MBP: variants seen among roughly 807,000 people sequenced by gnomAD.
MBP encodes the protein myelin basic protein.
MBP carries 16 observed loss-of-function variants against 35.8 expected under a neutral mutation model. The observed-to-expected ratio is 0.45, with a 90% CI of 0.30 to 0.68. The LOEUF (loss-of-function observed/expected upper bound fraction) is 0.68. Among genes scored for constraint, MBP ranks in the 30% least tolerant of loss-of-function variants. The pLI, the probability that MBP is intolerant of heterozygous loss-of-function variation, is 0.08. For missense variants in MBP, 380 were observed against 404.7 expected, an observed-to-expected ratio of 0.94 and a Z score of 0.52; for synonymous variants, 143 against 159.6, an observed-to-expected ratio of 0.90 and a Z score of 0.78.
At chr18:77,072,388 A>C (rs1974488553) in intron 2 of MBP, among the ~76,000 whole-genome samples, 1 of 152,196 alleles carries the variant, frequency 6.6e-6, no homozygotes, top group South Asian at 2.1e-4. Context: ...GGGCATCAGG[A>C]TCTGCAACAC....
At position 77,054,738 on chromosome 18, in the gene MBP, C is replaced by T. The variant is rs575203916; in HGVS notation, c.139+11560G>A. ...CTCAAGTTCCAATCCCTGTTAGCGGCGGGTGACACAACCATGCACACATCT... is the reference window on the plus strand; with the variant it reads ...CTCAAGTTCCAATCCCTGTTAGCGGTGGGTGACACAACCATGCACACATCT... On this transcript the variant is annotated intron_variant, in intron 3 of 8. Coordinates refer to ENST00000355994, the MANE Select transcript of MBP (RefSeq NM_001025101.2). 1.7e-4 allele frequency among the ~76,000 whole-genome samples: 26 copies of T among 152,252 alleles called. No homozygotes were observed. In the East Asian group the frequency reaches 2.1e-3, roughly 12 times the overall value.
At chr18:77,077,577 C>T (rs1974715659) in intron 2 of MBP, among the ~76,000 whole-genome samples, 1 of 152,074 alleles carries the variant, frequency 6.6e-6, no homozygotes, top group Non-Finnish European at 1.5e-5. Context: ...TGTGGTGGGG[C>T]AGGGTCCTTG....
rs1971364707 is a variant in MBP at position 77,011,733 on chromosome 18, G to A, written c.576+5099C>T. Among the ~76,000 whole-genome samples, 3 of 152,338 alleles carry A rather than the reference G, an allele frequency of 2.0e-5. No homozygotes were observed. The South Asian group carries it at 6.2e-4, about 32-fold the overall frequency. On this transcript the variant is annotated intron_variant, in intron 4 of 8. Coordinates refer to ENST00000355994, the MANE Select transcript of MBP (RefSeq NM_001025101.2). ...CCTCAAGAGAGTTCAGTGTTCTTTA[G>A]CTGTTTCTTCTTTTTTACTACGTTT...
At chr18:77,076,872 C>T (rs1599194952) in intron 2 of MBP, among the ~76,000 whole-genome samples, 2 of 152,106 alleles carry the variant, frequency 1.3e-5, no homozygotes, top group Non-Finnish European at 2.9e-5. Flanking sequence ...AGCCAGGCGC[C>T]GAGGCACCAA....
intron 2 of MBP, chr18:77,066,618 T>C (rs763539542): frequency 8.3e-6 from 6 of 726,830 alleles, no homozygotes; most frequent in Non-Finnish European, 1.5e-5. Context: ...CCAGTTGGTA[T>C]AGTTTTATAC....
intron 2 of MBP, among the ~76,000 whole-genome samples, chr18:77,089,121 C>T (rs1342141727): frequency 1.3e-5 from 2 of 152,244 alleles, no homozygotes; most frequent in Non-Finnish European, 2.9e-5. Flanking sequence ...CTTCTTCATA[C>T]TACAAAGGAC....
rs1975656617 is a variant in MBP at position 77,094,089 on chromosome 18, G to A, written c.51+11122C>T. On this transcript the variant is annotated intron_variant, in intron 2 of 8. Coordinates refer to ENST00000355994, the MANE Select transcript of MBP (RefSeq NM_001025101.2). ...CCTCCTGGGTTCAAGTGATTCTCCT[G>A]CCTCAGCCTCCGGAGTAGCTGGGAT... Among the ~76,000 whole-genome samples, 3 of 151,440 alleles carry A rather than the reference G, an allele frequency of 2.0e-5. No homozygotes were observed. The South Asian group carries it at 6.2e-4, about 31-fold the overall frequency.
At chr18:77,074,553 TCA>T (rs1159393182) in intron 2 of MBP, among the ~76,000 whole-genome samples, 4 of 152,142 alleles carry the variant, frequency 2.6e-5, no homozygotes, top group Non-Finnish European at 5.9e-5. Context: ...GAACTAGGCT[TCA>T]GTGTCTGGCC....
intron 2 of MBP, among the ~76,000 whole-genome samples, chr18:77,071,761 T>C (rs1044510608): frequency 6.6e-6 from 1 of 152,120 alleles, no homozygotes; most frequent in Non-Finnish European, 1.5e-5. Context: ...GGAAGCCAAA[T>C]TGGGTGCTTC....
At chr18:77,053,096 C>A (rs1309776226) in intron 3 of MBP, among the ~76,000 whole-genome samples, 2 of 152,242 alleles carry the variant, frequency 1.3e-5, no homozygotes, top group Non-Finnish European at 2.9e-5. Context: ...GATAGGCCAG[C>A]GTGGCTGTCC....
At position 77,065,398 on chromosome 18, in the gene MBP, T is replaced by A. The variant is rs611551; in HGVS notation, c.139+900A>T. ...ACCCCAATGACCTGATGACTAGGTC[T>A]CTGCTCCTAGTTACATCCCAAAGGC... On this transcript the variant is annotated intron_variant, in intron 3 of 8. Transcript: ENST00000355994. 4.7e-3 allele frequency among the ~76,000 whole-genome samples: 721 copies of A among 152,260 alleles called. 7 individuals are homozygous for A. Among genetic ancestry groups the A allele is most frequent in the African/African-American group, 0.016 (682 of 41,536 alleles).
intron 3 of MBP, among the ~76,000 whole-genome samples, chr18:77,037,797 C>A (rs138992768): frequency 3.3e-5 from 5 of 152,214 alleles, no homozygotes; most frequent in Non-Finnish European, 7.4e-5. Context: ...CAGGACGGTA[C>A]CAAGTGCTGG....
Position 77,131,035 on chromosome 18 carries a change from AAAAAAACAAAACCTC to A in MBP, c.-26+1530_-26+1544del, listed in dbSNP as rs1279094428. Among the ~76,000 whole-genome samples the A allele has an allele frequency of 2.0e-5, 3 of 151,100 alleles. No homozygotes were observed. The highest frequency in any genetic ancestry group is 4.4e-5 in the Non-Finnish European group (3 of 67,814). On this transcript the variant is annotated intron_variant, in intron 1 of 8. Coordinates refer to ENST00000355994, the MANE Select transcript of MBP (RefSeq NM_001025101.2). The surrounding 1 kb of genome is among the most constrained non-coding windows in gnomAD (Gnocchi z 5.5). Reference sequence around the variant, plus strand: ...TTTCTGTTTTTCCCACAAAAAAAAAAAAAAAACAAAACCTCAAAAAACAAAACACACACACGCGCG... The same window carrying A: ...TTTCTGTTTTTCCCACAAAAAAAAAAAAAAAACAAAACACACACACGCGCG...
intron 3 of MBP, among the ~76,000 whole-genome samples, chr18:77,064,567 T>C (rs921143783): frequency 1.3e-5 from 2 of 152,156 alleles, no homozygotes; most frequent in Non-Finnish European, 2.9e-5. Flanking sequence ...ATTGAAACAG[T>C]CGGTAGCACT....
intron 3 of MBP, among the ~76,000 whole-genome samples, chr18:77,045,669 C>A (rs781747141): frequency 4.6e-5 from 7 of 152,258 alleles, no homozygotes; most frequent in South Asian, 2.1e-4. Flanking sequence ...AAATTCCACA[C>A]TGTTCTGTAA....
At chr18:77,009,586 G>T (rs1971208424) in intron 4 of MBP, among the ~76,000 whole-genome samples, 1 of 152,228 alleles carries the variant, frequency 6.6e-6, no homozygotes, top group Admixed American at 6.5e-5. Flanking sequence ...ATCCTGAGCT[G>T]ACAGCCATAC....
At chr18:77,096,691 A>G (rs1975771550) in intron 2 of MBP, among the ~76,000 whole-genome samples, 2 of 152,206 alleles carry the variant, frequency 1.3e-5, no homozygotes, top group Non-Finnish European at 2.9e-5. Flanking sequence ...AGCTTTTCTC[A>G]GCCCACCCAC....
chr18:76,993,852 G>C (rs1226754349), intron 4 of MBP, among the ~76,000 whole-genome samples: 4 of 152,214 alleles, frequency 2.6e-5, no homozygotes, highest in Admixed American at 2.6e-4. Context: ...CTCCCAGGCA[G>C]GTGCCGTGGG....
chr18:77,110,484 G>C (rs1305015542), intron 1 of MBP: 1 of 149,614 alleles, frequency 6.7e-6, no homozygotes, highest in Admixed American at 6.7e-5. Flanking sequence ...TTTCAGAATA[G>C]AGATTTCCCA....
Sources: gnomAD v4.1 joint callset for allele counts (sites outside exome capture counted in the v4.1 genomes callset) on GRCh38, gnomAD v4.1.1 for gene constraint, Gnocchi (gnomAD v3.1) non-coding constraint, MANE v1.5 for transcripts, NCBI Gene and HGNC (gene_info 2026-07-23, HGNC 2026-07-21) for gene names.